Variants in STK32C observed in about 807,000 individuals in gnomAD.
STK32C encodes serine/threonine kinase 32C, also known as serine/threonine-protein kinase 32C.
STK32C carries 31 observed loss-of-function variants against 56.5 expected under a neutral mutation model. The observed-to-expected ratio is 0.55, with a 90% CI of 0.41 to 0.74. The LOEUF (loss-of-function observed/expected upper bound fraction) is 0.74. STK32C is among the 30% of genes least tolerant of loss of function. STK32C has a pLI of 0.00. For synonymous variants in STK32C, 309 were observed against 289.4 expected (o/e 1.07, Z -0.69); for missense variants, 544 against 676.9 (o/e 0.80, Z 2.18).
chr10:132,269,104 C>T (rs1590338880), intron 1 of STK32C, among the ~76,000 whole-genome samples: 1 of 148,604 alleles, frequency 6.7e-6, no homozygotes, highest in South Asian at 2.2e-4. Flanking sequence ...TGCGTCACAT[C>T]GTGTGTGTGT....
chr10:132,286,653 C>T (rs139287068), intron 1 of STK32C, among the ~76,000 whole-genome samples: 7 of 152,268 alleles, frequency 4.6e-5, no homozygotes, highest in African/African-American at 9.6e-5. Flanking sequence ...AAAATCATCA[C>T]GTCCACAAAT....
At chr10:132,238,794 CAT>C (rs1373674085) in intron 2 of STK32C, among the ~76,000 whole-genome samples, 21 of 152,108 alleles carry the variant, frequency 1.4e-4, no homozygotes, top group African/African-American at 3.1e-4. Context: ...CACACACACA[CAT>C]ACCACATACA....
At chr10:132,229,562 G>A (rs746011997) in intron 2 of STK32C, among the ~76,000 whole-genome samples, 11 of 152,206 alleles carry the variant, frequency 7.2e-5, no homozygotes, top group Non-Finnish European at 1.5e-4. Flanking sequence ...TCTCTGCCAC[G>A]AATGGTAACA....
At chr10:132,268,618 T>C (rs1008980464) in intron 1 of STK32C, among the ~76,000 whole-genome samples, 4 of 150,100 alleles carry the variant, frequency 2.7e-5, no homozygotes, top group Non-Finnish European at 5.9e-5. Flanking sequence ...TGTGCATGCA[T>C]GTCCCACATT....
Position 132,225,298 on chromosome 10 carries a change from C to T in STK32C, c.811G>A (p.Gly271Ser), listed in dbSNP as rs1228634781. The T allele has an allele frequency of 1.3e-6, 2 of 1,599,728 alleles. No homozygotes were observed. Among genetic ancestry groups the T allele is most frequent in the Admixed American group, 1.7e-5 (1 of 58,868 alleles). The change falls in exon 7 of 12, where the codon GGC (glycine) becomes AGC (serine). Residue 271 changes from glycine to serine, a missense_variant. By Grantham distance (56) the Gly-to-Ser change is moderately conservative. Transcript: ENST00000298630. ...CACCAGTCCACCTCGAAGGAGTAGCCGGTCCCGCCGTTGACAAAAGAGTGG... is the reference window on the plus strand; with the variant it reads ...CACCAGTCCACCTCGAAGGAGTAGCTGGTCCCGCCGTTGACAAAAGAGTGG... ...IFHSFVNGGTGYSFEVDWWSV... is the reference protein window; with the variant it reads ...IFHSFVNGGTSYSFEVDWWSV...
chr10:132,236,542 A>C (rs2063302065), intron 2 of STK32C, among the ~76,000 whole-genome samples: 1 of 152,208 alleles, frequency 6.6e-6, no homozygotes, highest in Non-Finnish European at 1.5e-5. Context: ...GCTGCAGGAC[A>C]GCCAGGAAGG....
At chr10:132,221,227 A>C (rs1054846228) in intron 10 of STK32C, among the ~76,000 whole-genome samples, 1 of 149,200 alleles carries the variant, frequency 6.7e-6, no homozygotes, top group Non-Finnish European at 1.5e-5. Context: ...ATGCTGACGC[A>C]CCTGGGCTAG....
chr10:132,248,384 G>A (rs1284873742), intron 1 of STK32C, among the ~76,000 whole-genome samples: 5 of 152,230 alleles, frequency 3.3e-5, no homozygotes, highest in African/African-American at 1.2e-4. Context: ...CCTGCAGTGG[G>A]GAGGGGACAG....
At chr10:132,208,214 G>T in intron 11 of STK32C, 63 bp from the exon 12 acceptor site, 1 of 1,284,032 alleles carries the variant, frequency 7.8e-7, no homozygotes, top group Non-Finnish European at 9.9e-7. Flanking sequence ...ACGGTCCCAT[G>T]ACCTGCCCAC....
intron 1 of STK32C, among the ~76,000 whole-genome samples, chr10:132,277,276 G>C (rs1379335730): frequency 6.6e-6 from 1 of 152,208 alleles, no homozygotes; most frequent in Non-Finnish European, 1.5e-5. Context: ...GAGAGAGCCA[G>C]GGAGGACACC....
At chr10:132,240,628 C>T (rs901521295) in intron 2 of STK32C, among the ~76,000 whole-genome samples, 5 of 152,122 alleles carry the variant, frequency 3.3e-5, no homozygotes, top group Non-Finnish European at 7.4e-5. Context: ...GTGGTGAAGG[C>T]CTTTTGACCT....
chr10:132,240,141 A>G (rs76925274), intron 2 of STK32C, among the ~76,000 whole-genome samples: 3,299 of 152,012 alleles, frequency 0.022, 112 homozygotes, highest in African/African-American at 0.073. Flanking sequence ...GTGCTGACTC[A>G]AGCCGCCTGG....
intron 1 of STK32C, among the ~76,000 whole-genome samples, chr10:132,274,614 GC>G (rs2064941549): frequency 2.0e-5 from 3 of 152,206 alleles, no homozygotes. Flanking sequence ...CCTGCCCTCA[GC>G]CCACCAGGAG....
chr10:132,212,377 A>G (rs2062335669), intron 10 of STK32C, among the ~76,000 whole-genome samples: 1 of 152,220 alleles, frequency 6.6e-6, no homozygotes. Context: ...CCGATGAGAG[A>G]ATGAAGCTGG....
At chr10:132,210,405 C>T (rs975536114) in intron 10 of STK32C, among the ~76,000 whole-genome samples, 2 of 152,342 alleles carry the variant, frequency 1.3e-5, no homozygotes, top group South Asian at 4.1e-4. Flanking sequence ...TACAGGTGCC[C>T]ACCACCATAC....
chr10:132,313,316 A>G (rs962855715), intron 1 of STK32C, among the ~76,000 whole-genome samples: 5 of 152,246 alleles, frequency 3.3e-5, no homozygotes, highest in Non-Finnish European at 1.5e-5. Context: ...TGAGATGAGC[A>G]ACATTAAACG....
At chr10:132,280,306 ATGATCATGCCACTGCACTCCC>A (rs1349214065) in intron 1 of STK32C, among the ~76,000 whole-genome samples, 1 of 94,908 alleles carries the variant, frequency 1.1e-5, no homozygotes, top group Non-Finnish European at 2.1e-5. Flanking sequence ...CCTGCACTCC[ATGATCATGCCACTGCACTCCC>A]TGACTATGCT....
chr10:132,237,252 C>T (rs188081714), intron 2 of STK32C, among the ~76,000 whole-genome samples: 7 of 152,138 alleles, frequency 4.6e-5, no homozygotes, highest in African/African-American at 7.2e-5. Context: ...CCTCCACTGG[C>T]GTTTGCTCCT....
intron 8 of STK32C, among the ~76,000 whole-genome samples, chr10:132,223,612 A>G (rs962541552): frequency 6.6e-6 from 1 of 152,236 alleles, no homozygotes; most frequent in African/African-American, 2.4e-5. Context: ...GTGGGGCTAC[A>G]GCAGAGTTAA....
Sources: gnomAD v4.1 joint callset for allele counts (sites outside exome capture counted in the v4.1 genomes callset) on GRCh38, gnomAD v4.1.1 for gene constraint, MANE v1.5 for transcripts, NCBI Gene and HGNC (gene_info 2026-07-23, HGNC 2026-07-21) for gene names.